Variants in NCOA5 observed in about 807,000 individuals in gnomAD.
NCOA5 encodes nuclear receptor coactivator 5.
In NCOA5, 12 loss-of-function variants were observed where a neutral mutation model predicts 59.0. That is an observed-to-expected ratio of 0.20 (90% CI 0.13 to 0.33). The LOEUF is 0.33. NCOA5 is among the 10% of genes least tolerant of loss of function. The pLI, the probability that NCOA5 is intolerant of heterozygous loss-of-function variation, is 1.00. For missense variants in NCOA5, 655 were observed against 766.6 expected (o/e 0.85, Z 1.72); for synonymous variants, 270 against 275.5 (o/e 0.98, Z 0.20).
rs535253710 is a variant in NCOA5, at chr20:46,089,603, C to T, written c.-30+214G>A. On this transcript the variant is annotated intron_variant, in intron 1 of 7. Coordinates refer to ENST00000290231, the MANE Select transcript of NCOA5 (RefSeq NM_020967.3). ...CACCACAGAGAACCGTAGGCCGCCT[C>T]GGCCGGCCGGGCCTGGGCCTGACGG... Among the ~76,000 whole-genome samples, 299 of 152,180 alleles carry T rather than the reference C, an allele frequency of 2.0e-3. 1 individual carries two copies. The highest frequency in any genetic ancestry group is 2.6e-3 in the Non-Finnish European group (179 of 67,968).
intron 6 of NCOA5, among the ~76,000 whole-genome samples, chr20:46,064,348 G>T (rs1049523970): frequency 6.6e-6 from 1 of 152,216 alleles, no homozygotes; most frequent in African/African-American, 2.4e-5. Flanking sequence ...AGTGGGAAAA[G>T]GGTTAAGTCT....
At chr20:46,068,711 T>G in intron 3 of NCOA5, 73 bp from the exon 4 acceptor site, 1 of 1,458,616 alleles carries the variant, frequency 6.9e-7, no homozygotes, top group Non-Finnish European at 9.4e-7. Flanking sequence ...GAGAATTCTC[T>G]GGGATTAGAC....
rs558669950 is a variant in NCOA5 at position 46,078,552 on chromosome 20, C to A, written c.38+835G>T. 5.3e-5 allele frequency among the ~76,000 whole-genome samples: 8 copies of A among 152,268 alleles called. No homozygotes were observed. In the South Asian group the frequency reaches 1.7e-3, roughly 32 times the overall value. On this transcript the variant is annotated intron_variant, in intron 2 of 7. Coordinates refer to ENST00000290231, the MANE Select transcript of NCOA5 (RefSeq NM_020967.3). ...GGCAAAATCAATTAATCCATTTGGG[C>A]CTTGAAGAGACACCAGATATGAAAT...
rs774929598 is a variant in NCOA5 at position 46,067,564 on chromosome 20, C to CT, written c.503-384dup. Among the ~76,000 whole-genome samples, 310 of 142,566 alleles carry CT rather than the reference C, an allele frequency of 2.2e-3. 1 individual carries two copies. Among genetic ancestry groups the CT allele is most frequent in the South Asian group, 5.3e-3 (22 of 4,188 alleles). The allele number at this position is 142,566 out of a possible 152,430, so 93.5% of individuals were successfully genotyped here. ...ATTATTATTCTAATCTGCATTTTTG[C>CT]TTTTTTTTTGGGGAAAAAATCAAGT... is the stretch of plus-strand genomic sequence containing the variant. On this transcript the variant is annotated intron_variant, in intron 4 of 7. Transcript: ENST00000290231.
chr20:46,061,739 C>T lies in NCOA5; in HGVS notation c.*561G>A, dbSNP rs1187345655. 6.6e-6 allele frequency: 1 copy of T among 152,446 alleles called. No individual in the cohort carries two copies. Among genetic ancestry groups the T allele is most frequent in the East Asian group, 1.9e-4 (1 of 5,186 alleles). The allele number at this position is 152,446 out of a possible 1,614,324, so 9.4% of individuals were successfully genotyped here. A position where few individuals can be genotyped will look rare whatever the true frequency, so the allele number is the denominator to read the frequency against. Reference sequence around the variant, plus strand: ...TTTTCTGTGGCTGCCATGGCCATTCCTCAACAATCCAGAGTGGCTGATTTA... The same window carrying T: ...TTTTCTGTGGCTGCCATGGCCATTCTTCAACAATCCAGAGTGGCTGATTTA... On this transcript the variant is annotated 3_prime_UTR_variant, in exon 8 of 8. Coordinates refer to ENST00000290231, the MANE Select transcript of NCOA5 (RefSeq NM_020967.3).
intron 1 of NCOA5, among the ~76,000 whole-genome samples, 191 bp downstream of exon 1, chr20:46,089,626 C>A (rs1195674956): frequency 1.3e-5 from 2 of 151,940 alleles, no homozygotes; most frequent in South Asian, 2.1e-4. Flanking sequence ...CTGGGCCTGA[C>A]GGGAGCCGGA....
At chr20:46,078,831 G>A (rs1444847123) in intron 2 of NCOA5, among the ~76,000 whole-genome samples, 2 of 152,174 alleles carry the variant, frequency 1.3e-5, no homozygotes, top group Non-Finnish European at 2.9e-5. Context: ...TTCCGTGAAA[G>A]CTAAGAAAAA....
chr20:46,086,593 A>G (rs915563991), intron 1 of NCOA5, among the ~76,000 whole-genome samples: 3 of 152,212 alleles, frequency 2.0e-5, no homozygotes, highest in Non-Finnish European at 4.4e-5. Context: ...TCTGTTAGTC[A>G]TTGCTCTTTT....
intron 1 of NCOA5, among the ~76,000 whole-genome samples, chr20:46,083,579 G>C (rs2085014853): frequency 6.6e-6 from 1 of 152,206 alleles, no homozygotes; most frequent in Non-Finnish European, 1.5e-5. Context: ...ACAACACTTA[G>C]TGACAGTACC....
At position 46,062,176 on chromosome 20, in the gene NCOA5, A is replaced by T. The variant is rs2145517619; in HGVS notation, c.*124T>A. The T allele has an allele frequency of 1.4e-6, 1 of 704,422 alleles. No homozygotes were observed. Among genetic ancestry groups the T allele is most frequent in the Non-Finnish European group, 2.3e-6 (1 of 431,730 alleles). 43.6% of individuals were successfully genotyped at this position (704,422 alleles called of 1,614,324 possible). On this transcript the variant is annotated 3_prime_UTR_variant, in exon 8 of 8. Coordinates refer to ENST00000290231, the MANE Select transcript of NCOA5 (RefSeq NM_020967.3). ...GGCAGAAGAGAGAGCAGGTGGTAGA[A>T]ATTGATGACACTCGATGCCGGCCTG...
intron 2 of NCOA5, among the ~76,000 whole-genome samples, chr20:46,074,419 A>T (rs1252673545): frequency 6.6e-6 from 1 of 152,236 alleles, no homozygotes; most frequent in Admixed American, 6.5e-5. Flanking sequence ...AACCAAATGC[A>T]GCATACCCTC....
intron 6 of NCOA5, 150 bp from the exon 7 acceptor site, chr20:46,063,830 G>C: frequency 1.2e-6 from 1 of 800,858 alleles, no homozygotes; most frequent in Non-Finnish European, 1.9e-6. Flanking sequence ...GGTGGTGTGG[G>C]GGGAGAGATG....
At chr20:46,089,541 G>A (rs955158512) in intron 1 of NCOA5, among the ~76,000 whole-genome samples, 1 of 152,210 alleles carries the variant, frequency 6.6e-6, no homozygotes, top group African/African-American at 2.4e-5. Flanking sequence ...TTCGTGCACA[G>A]ACAGGCGGCT....
intron 1 of NCOA5, among the ~76,000 whole-genome samples, chr20:46,081,439 C>A (rs1478496744): frequency 1.3e-5 from 2 of 152,056 alleles, no homozygotes; most frequent in African/African-American, 4.8e-5. Context: ...AAAACCAGTT[C>A]TAGTTAGAAT....
At chr20:46,075,451 A>G (rs900812395) in intron 2 of NCOA5, among the ~76,000 whole-genome samples, 2 of 152,168 alleles carry the variant, frequency 1.3e-5, no homozygotes, top group African/African-American at 4.8e-5. Context: ...CAGGTCATAT[A>G]AGAAACTTGT....
At chr20:46,075,689 G>A (rs751483360) in intron 2 of NCOA5, among the ~76,000 whole-genome samples, 1 of 152,174 alleles carries the variant, frequency 6.6e-6, no homozygotes, top group Non-Finnish European at 1.5e-5. Context: ...GGACTGTCAA[G>A]GTGTTGAGCT....
At chr20:46,064,337 T>C (rs189925854) in intron 6 of NCOA5, among the ~76,000 whole-genome samples, 1 of 152,270 alleles carries the variant, frequency 6.6e-6, no homozygotes, top group East Asian at 1.9e-4. Context: ...ATCCTGCGTA[T>C]AGTGGGAAAA....
At chr20:46,084,732 G>C (rs141415632) in intron 1 of NCOA5, among the ~76,000 whole-genome samples, 2 of 152,310 alleles carry the variant, frequency 1.3e-5, no homozygotes, top group East Asian at 3.9e-4. Flanking sequence ...TGTTAGCTAT[G>C]TTGACTCAAG....
intron 1 of NCOA5, among the ~76,000 whole-genome samples, 166 bp from the exon 2 acceptor site, chr20:46,079,619 G>A (rs2084970841): frequency 6.6e-6 from 1 of 152,230 alleles, no homozygotes; most frequent in Non-Finnish European, 1.5e-5. Context: ...TTTTATTATT[G>A]AGTTAAGGTA....
Sources: gnomAD v4.1 joint callset for allele counts (sites outside exome capture counted in the v4.1 genomes callset) on GRCh38, gnomAD v4.1.1 for gene constraint, MANE v1.5 for transcripts, NCBI Gene and HGNC (gene_info 2026-07-23, HGNC 2026-07-21) for gene names.